Variants in PPP2R3B observed in about 807,000 individuals in gnomAD.
PPP2R3B encodes serine/threonine-protein phosphatase 2A regulatory subunit B'' subunit beta.
Under a neutral mutation model 72.9 loss-of-function variants are expected in PPP2R3B, and 68 were observed. The observed-to-expected ratio is 0.93, with a 90% confidence interval of 0.77 to 1.14. PPP2R3B has a LOEUF of 1.14. PPP2R3B is among the 50% of genes most tolerant of loss of function. PPP2R3B has a pLI of 0.00. For synonymous variants in PPP2R3B, 466 were observed against 375.8 expected (o/e 1.24, Z -2.78); for missense variants, 1,018 against 842.0 (o/e 1.21, Z -2.59).
chrX:359,739 GAAGT>G (rs1205833935), intron 2 of PPP2R3B: 10 of 422,818 alleles, frequency 2.4e-5, no homozygotes, highest in South Asian at 1.2e-4. Context: ...AGAAATGCAA[GAAGT>G]ATGTATGTTC....
At chrX:342,937 A>G (rs781096341) in intron 7 of PPP2R3B, among the ~76,000 whole-genome samples, 3 of 7,358 alleles carry the variant, frequency 4.1e-4, no homozygotes, top group Non-Finnish European at 6.2e-4. Context: ...CTCGCCAAGG[A>G]GAGGCGGGAG....
Position 361,561 on chromosome X carries a change from G to A in PPP2R3B, c.354C>T (p.Pro118=). 6.2e-7 allele frequency: 1 copy of A among 1,614,006 alleles called. No homozygotes were observed. The highest frequency in any genetic ancestry group is 8.5e-7 in the Non-Finnish European group (1 of 1,179,846). The change falls in exon 2 of 13, where the codon CCC becomes CCT. Residue 118 remains proline (P), a synonymous_variant. Transcript: ENST00000390665. ...VVQTRKEEPL[P]PATSQSIPTF... is the part of the protein sequence containing the mutation. ...TCGGAATGCTTTGGCTCGTGGCCGGGGGCAGAGGCTCTTCTTTCCGTGTCT... is the reference window on the plus strand; with the variant it reads ...TCGGAATGCTTTGGCTCGTGGCCGGAGGCAGAGGCTCTTCTTTCCGTGTCT...
rs759188400 is a variant in PPP2R3B at position 341,864 on chromosome X, G to T, written c.1085+19C>A. The stretch of plus-strand genomic sequence containing the variant: ...TCGCAGGGGCAATGGCTGCCGTCAG[G>T]CGCCTGAGCCGTACGTACCGTGTGA... On this transcript the variant is annotated intron_variant, in intron 8 of 12. Coordinates refer to ENST00000390665, the MANE Select transcript of PPP2R3B (RefSeq NM_013239.5). 3 of 1,612,464 alleles carry T rather than the reference G, an allele frequency of 1.9e-6. No homozygotes were observed. Among genetic ancestry groups the T allele is most frequent in the African/African-American group, 2.7e-5 (2 of 75,056 alleles).
rs2071183010 is a variant in PPP2R3B at position 345,514 on chromosome X, A to G, written c.1036+2T>C. The G allele has an allele frequency of 6.2e-7, 1 of 1,612,552 alleles. No individual in the cohort carries two copies. The stretch of plus-strand genomic sequence containing the variant: ...CCCGCCCGCCCCTGTGCCCCCACGC[A>G]CCGTGGTCATTGTGCCGCGCCAGGT... On this transcript the variant is annotated splice_donor_variant, in intron 7 of 12. Coordinates refer to ENST00000390665, the MANE Select transcript of PPP2R3B (RefSeq NM_013239.5). LOFTEE classifies it high-confidence loss of function.
At chrX:345,285 G>A (rs2071173769) in intron 7 of PPP2R3B, 2 of 710,130 alleles carry the variant, frequency 2.8e-6, no homozygotes, top group Non-Finnish European at 5.1e-6. Flanking sequence ...TGACCCTGTA[G>A]ACGCCCCCAG....
intron 2 of PPP2R3B, among the ~76,000 whole-genome samples, chrX:355,797 G>A (rs1279091477): frequency 6.6e-6 from 1 of 152,240 alleles, no homozygotes; most frequent in African/African-American, 2.4e-5. Flanking sequence ...AAGGAGGCCT[G>A]AGGTAGCGTG....
At chrX:357,692 A>G (rs1466668389) in intron 2 of PPP2R3B, among the ~76,000 whole-genome samples, 1 of 152,232 alleles carries the variant, frequency 6.6e-6, no homozygotes, top group Non-Finnish European at 1.5e-5. Flanking sequence ...AATAGTCTCC[A>G]TAAATGAAAA....
chrX:345,906 A>G (rs2071194987), intron 6 of PPP2R3B, among the ~76,000 whole-genome samples: 5 of 127,704 alleles, frequency 3.9e-5, no homozygotes, highest in Non-Finnish European at 5.0e-5. Context: ...GCTCTGGGGG[A>G]GTCAGGGCTC....
chrX:369,624 C>T (rs1488341437), intron 1 of PPP2R3B, among the ~76,000 whole-genome samples: 8 of 152,332 alleles, frequency 5.3e-5, no homozygotes, highest in African/African-American at 1.2e-4. Context: ...CCACGTGCAC[C>T]GTGACACATC....
intron 12 of PPP2R3B, 99 bp from the exon 13 acceptor site, chrX:334,616 C>A: frequency 7.7e-7 from 1 of 1,305,436 alleles, no homozygotes; most frequent in South Asian, 1.8e-5. Flanking sequence ...ACCTCCAGCA[C>A]GAGACAGTCC....
At chrX:347,048 C>T (rs1353306433) in intron 4 of PPP2R3B, among the ~76,000 whole-genome samples, 186 bp downstream of exon 4, 21 of 147,864 alleles carry the variant, frequency 1.4e-4, no homozygotes, top group African/African-American at 5.1e-4. Context: ...GACGCGGACC[C>T]TCCCATGAGG....
At chrX:352,896 A>G (rs907455743) in intron 2 of PPP2R3B, among the ~76,000 whole-genome samples, 6 of 150,924 alleles carry the variant, frequency 4.0e-5, no homozygotes, top group African/African-American at 1.5e-4. Flanking sequence ...GAGCCGGAGG[A>G]GTCTTCAGGG....
chrX:351,016 G>A (rs1359228067), intron 2 of PPP2R3B, among the ~76,000 whole-genome samples: 2 of 152,190 alleles, frequency 1.3e-5, no homozygotes, highest in East Asian at 1.9e-4. Flanking sequence ...GACCACGGGG[G>A]GGCGTGGGGG....
At position 349,547 on chromosome X, in the gene PPP2R3B, A is replaced by T. The variant is rs1174488109; in HGVS notation, c.511-1854T>A. Reference sequence around the variant, plus strand: ...CAGCAGGCAAGGGAAAGACCGAAAGATACGACGACGGGTAAGAAGAGGCAG... The same window carrying T: ...CAGCAGGCAAGGGAAAGACCGAAAGTTACGACGACGGGTAAGAAGAGGCAG... On this transcript the variant is annotated intron_variant, in intron 2 of 12. Transcript: ENST00000390665. 2.6e-5 allele frequency among the ~76,000 whole-genome samples: 4 copies of T among 152,354 alleles called. No homozygotes were observed. In the East Asian group the frequency reaches 7.7e-4, roughly 29 times the overall value.
intron 2 of PPP2R3B, among the ~76,000 whole-genome samples, chrX:360,568 C>T (rs1042547376): frequency 6.6e-6 from 1 of 152,174 alleles, no homozygotes; most frequent in Admixed American, 6.5e-5. Context: ...AACCTGCTCA[C>T]TCCCGAGGAC....
At chrX:345,977 C>A (rs2071196528) in intron 6 of PPP2R3B, among the ~76,000 whole-genome samples, 197 bp downstream of exon 6, 1 of 144,674 alleles carries the variant, frequency 6.9e-6, no homozygotes, top group South Asian at 2.3e-4. Flanking sequence ...AACCGTGGAC[C>A]CCCAACCGCA....
chrX:376,348 C>T (rs1405987807), intron 1 of PPP2R3B, among the ~76,000 whole-genome samples: 1 of 152,194 alleles, frequency 6.6e-6, no homozygotes, highest in East Asian at 1.9e-4. Context: ...TGTCCCGATG[C>T]AGAACCCGCA....
chrX:341,615 G>A (rs994676584), intron 8 of PPP2R3B: 13 of 642,512 alleles, frequency 2.0e-5, no homozygotes, highest in South Asian at 5.6e-5. Flanking sequence ...GTGCACCTTC[G>A]TTACTGCTCA....
At chrX:348,002 C>A (rs1385367686) in intron 2 of PPP2R3B, among the ~76,000 whole-genome samples, 3 of 152,264 alleles carry the variant, frequency 2.0e-5, no homozygotes, top group Admixed American at 6.6e-5. Flanking sequence ...GTACTAAGAA[C>A]CAGTAAGTAC....
Sources: allele counts gnomAD v4.1 joint callset (sites outside exome capture counted in the v4.1 genomes callset), GRCh38; gene constraint gnomAD v4.1.1; transcripts MANE v1.5; gene names NCBI Gene and HGNC (gene_info 2026-07-23, HGNC 2026-07-21).